Variants in ADGRV1 observed in about 807,000 individuals in gnomAD.
ADGRV1 encodes the protein adhesion G protein-coupled receptor V1.
Under a neutral mutation model 596.2 loss-of-function variants are expected in ADGRV1, and 359 were observed. The observed-to-expected ratio is 0.60, with a 90% confidence interval of 0.55 to 0.66. The LOEUF (loss-of-function observed/expected upper bound fraction) is 0.66. Among genes scored for constraint, ADGRV1 ranks in the 30% least tolerant of loss-of-function variants. The pLI, the probability that ADGRV1 is intolerant of heterozygous loss-of-function variation, is 0.00. For missense variants in ADGRV1, 7,274 were observed against 7,575.6 expected, an observed-to-expected ratio of 0.96 and a Z score of 1.48; for synonymous variants, 2,681 against 2,679.2, an observed-to-expected ratio of 1.00 and a Z score of -0.02.
rs758626904 is a variant in ADGRV1, at chr5:90,614,966, C to T, written c.154C>T (p.Arg52Cys). 3.0e-5 allele frequency: 47 copies of T among 1,562,768 alleles called. No individual in the cohort carries two copies. Among genetic ancestry groups the T allele is most frequent in the African/African-American group, 5.4e-5 (4 of 73,526 alleles). The part of the protein sequence containing the change: ...VVNETSTTVI[R>C]LIIERIGEPA... ...TAATGAAACAAGTACAACAGTTATTCGTCTTATCATTGAAAGGATAGGAGA... is the reference window on the plus strand; with the variant it reads ...TAATGAAACAAGTACAACAGTTATTTGTCTTATCATTGAAAGGATAGGAGA... Residue 52 changes from arginine to cysteine, a missense_variant, in exon 2 of 90, where the codon CGT (arginine) becomes TGT (cysteine). Coordinates refer to ENST00000405460, the MANE Select transcript of ADGRV1 (RefSeq NM_032119.4).
chr5:90,662,381 GACGGGGTTTC>G (rs1770478758), intron 21 of ADGRV1, among the ~76,000 whole-genome samples: 1 of 151,684 alleles, frequency 6.6e-6, no homozygotes, highest in African/African-American at 2.4e-5. Context: ...TTTTAGCAGA[GACGGGGTTTC>G]ACTGTGTTAG....
intron 85 of ADGRV1, among the ~76,000 whole-genome samples, chr5:91,026,874 G>T (rs1784055901): frequency 6.6e-6 from 1 of 152,020 alleles, no homozygotes; most frequent in African/African-American, 2.4e-5. Context: ...TGGTGCAGTG[G>T]CTCACACCTG....
intron 83 of ADGRV1, among the ~76,000 whole-genome samples, chr5:90,903,594 C>A (rs117960277): frequency 6.6e-6 from 1 of 151,880 alleles, no homozygotes; most frequent in East Asian, 1.9e-4. Context: ...GCAAGCAGAT[C>A]AGGGTTTGTT....
chr5:91,107,666 A>G (rs1792011802), intron 87 of ADGRV1, among the ~76,000 whole-genome samples: 1 of 152,242 alleles, frequency 6.6e-6, no homozygotes, highest in Non-Finnish European at 1.5e-5. Context: ...CAGAACAGAA[A>G]TAACTTAAAC....
chr5:91,113,611 A>C lies in ADGRV1; in HGVS notation c.18432+11271A>C, dbSNP rs1792575634. Among the ~76,000 whole-genome samples, 6 of 152,300 alleles carry C rather than the reference A, an allele frequency of 3.9e-5. No homozygotes were observed. The South Asian group carries it at 1.2e-3, about 32-fold the overall frequency. ...GTATATATTCCTAATAAATCCTAGC[A>C]TATTGTATGATTAGAAAAAGAAATA... On this transcript the variant is annotated intron_variant, in intron 87 of 89. Transcript: ENST00000405460.
At chr5:90,626,567 A>G (rs1764787503) in intron 6 of ADGRV1, 1 of 152,134 alleles carries the variant, frequency 6.6e-6, no homozygotes, top group African/African-American at 2.4e-5. Context: ...GATTAACCCC[A>G]AGATTTCTCT....
intron 63 of ADGRV1, 66 bp from the exon 64 acceptor site, chr5:90,778,799 A>C: frequency 7.7e-7 from 1 of 1,290,696 alleles, no homozygotes; most frequent in Non-Finnish European, 1.1e-6. Context: ...TAGAACGTTT[A>C]GTTACAGACA....
intron 9 of ADGRV1, among the ~76,000 whole-genome samples, chr5:90,634,292 A>G (rs1366162726): frequency 6.6e-6 from 1 of 152,116 alleles, no homozygotes; most frequent in Non-Finnish European, 1.5e-5. Flanking sequence ...GGAATTAACA[A>G]ATATTTATTG....
chr5:90,958,032 T>C (rs1187588717), intron 83 of ADGRV1, among the ~76,000 whole-genome samples: 1 of 151,246 alleles, frequency 6.6e-6, no homozygotes, highest in Non-Finnish European at 1.5e-5. Context: ...TATTTTTTAT[T>C]TGGGAGGCTG....
At chr5:90,973,599 A>G (rs1008201061) in intron 84 of ADGRV1, among the ~76,000 whole-genome samples, 1 of 152,198 alleles carries the variant, frequency 6.6e-6, no homozygotes, top group African/African-American at 2.4e-5. Context: ...AAAGACAAAA[A>G]CCACATGATT....
chr5:91,159,804 G>A (rs1411094014), intron 89 of ADGRV1, among the ~76,000 whole-genome samples: 1 of 152,160 alleles, frequency 6.6e-6, no homozygotes. Flanking sequence ...CTCCATTTTA[G>A]GGAAGAGGAG....
intron 86 of ADGRV1, among the ~76,000 whole-genome samples, chr5:91,080,883 TGTA>T (rs1789298312): frequency 6.6e-6 from 1 of 152,186 alleles, no homozygotes; most frequent in African/African-American, 2.4e-5. Context: ...CCTTTCAATA[TGTA>T]ATTGGTACAG....
chr5:90,787,697 A>G (rs1759619744), intron 67 of ADGRV1, among the ~76,000 whole-genome samples: 1 of 150,446 alleles, frequency 6.6e-6, no homozygotes, highest in Non-Finnish European at 1.5e-5. Context: ...GGTTCAAGCA[A>G]TTCTCCTGTT....
At chr5:90,795,975 AC>A (rs1466804069) in intron 70 of ADGRV1, among the ~76,000 whole-genome samples, 1 of 152,228 alleles carries the variant, frequency 6.6e-6, no homozygotes, top group African/African-American at 2.4e-5. Context: ...TCCAAAGGTC[AC>A]CAACATCAAA....
At position 90,635,187 on chromosome 5, in the gene ADGRV1, A is replaced by G. The variant is rs201262529; in HGVS notation, c.1913A>G (p.Asn638Ser). 3.1e-6 allele frequency: 5 copies of G among 1,612,858 alleles called. No homozygotes were observed. The highest frequency in any genetic ancestry group is 1.3e-5 in the African/African-American group (1 of 75,012). ...PISPRFGEIC[N>S]ISLLVTPAIA... ...AGCCCTAGATTTGGGGAAATCTGCAATATTTCTTTACTGGTTACTCCAGCC... is the reference window on the plus strand; with the variant it reads ...AGCCCTAGATTTGGGGAAATCTGCAGTATTTCTTTACTGGTTACTCCAGCC... The change falls in exon 10 of 90, where the codon AAT becomes AGT. Residue 638 changes from asparagine to serine, a missense_variant. Physicochemically the swap from Asn to Ser is conservative, Grantham distance 46. Around this residue, in one of 5 missense-constraint regions of ADGRV1, gnomAD observed 1,715 missense variants for 1,708.8 expected, o/e 1.00. Coordinates refer to ENST00000405460, the MANE Select transcript of ADGRV1 (RefSeq NM_032119.4).
intron 1 of ADGRV1, among the ~76,000 whole-genome samples, chr5:90,594,372 T>C (rs1488414817): frequency 2.0e-5 from 3 of 152,134 alleles, no homozygotes; most frequent in African/African-American, 7.2e-5. Context: ...TCCTGGGACA[T>C]GTTTGCTGCT....
At chr5:90,747,162 G>C (rs544158779) in intron 52 of ADGRV1, among the ~76,000 whole-genome samples, 43 of 152,240 alleles carry the variant, frequency 2.8e-4, no homozygotes, top group African/African-American at 1.0e-3. Flanking sequence ...GGGGATGAGG[G>C]TGTGAGCTAT....
At chr5:90,896,461 G>A (rs1771332087) in intron 83 of ADGRV1, among the ~76,000 whole-genome samples, 1 of 151,812 alleles carries the variant, frequency 6.6e-6, no homozygotes, top group Non-Finnish European at 1.5e-5. Flanking sequence ...TATTTGTAGA[G>A]ATAGGGTTTT....
At chr5:91,087,032 T>C (rs1789935831) in intron 86 of ADGRV1, among the ~76,000 whole-genome samples, 1 of 152,192 alleles carries the variant, frequency 6.6e-6, no homozygotes, top group South Asian at 2.1e-4. Context: ...GCATTTGCTT[T>C]TTGCCTCTCT....
Sources: gnomAD v4.1 joint callset for allele counts (sites outside exome capture counted in the v4.1 genomes callset) on GRCh38, gnomAD v4.1.1 for gene constraint, gnomAD v4.1.1 regional missense constraint, MANE v1.5 for transcripts, NCBI Gene and HGNC (gene_info 2026-07-23, HGNC 2026-07-21) for gene names.